Variants in RYR3 observed in about 807,000 individuals in gnomAD.
The protein encoded by RYR3 is brain ryanodine receptor-calcium release channel.
Under a neutral mutation model 584.3 loss-of-function variants are expected in RYR3, and 207 were observed. The ratio of observed to expected loss-of-function variants is 0.35; its 90% confidence interval spans 0.32 to 0.40. The LOEUF is 0.40. RYR3 is among the 10% of genes least tolerant of loss of function. The pLI is 1.00. For missense variants in RYR3, 5,616 were observed against 6,089.2 expected, an observed-to-expected ratio of 0.92 and a Z score of 2.59; for synonymous variants, 2,416 against 2,248.5, an observed-to-expected ratio of 1.07 and a Z score of -2.11.
At chr15:33,765,320 A>G (rs1438992614) in intron 60 of RYR3, among the ~76,000 whole-genome samples, 2 of 152,054 alleles carry the variant, frequency 1.3e-5, no homozygotes, top group Admixed American at 1.3e-4. Flanking sequence ...TAAGTAGCAA[A>G]AAGCTAAGAC....
At chr15:33,350,355 A>T (rs1003080432) in intron 1 of RYR3, among the ~76,000 whole-genome samples, 14 of 152,104 alleles carry the variant, frequency 9.2e-5, no homozygotes, top group Non-Finnish European at 8.8e-5. Flanking sequence ...GATCAATGAG[A>T]CAGAAAGTCA....
Position 33,540,809 on chromosome 15 carries a change from G to A in RYR3, c.565G>A (p.Gly189Ser), listed in dbSNP as rs762795498. 3 of 1,609,316 alleles carry A rather than the reference G, an allele frequency of 1.9e-6. No individual in the cohort carries two copies. Among genetic ancestry groups the A allele is most frequent in the African/African-American group, 2.7e-5 (2 of 74,894 alleles). ...ERYLHLSVSN[G>S]NIQVDASFMQ... ...GCTGCAGCATCTCTCAGTATCAAAT[G>A]GTAACATACAAGTGGATGCCTCCTT... Residue 189 changes from glycine to serine, a missense_variant, in exon 7 of 104, where the codon GGT (glycine) becomes AGT (serine). By Grantham distance (56) the Gly-to-Ser change is moderately conservative. Transcript: ENST00000634891.
At chr15:33,747,281 A>C (rs928366560) in intron 53 of RYR3, among the ~76,000 whole-genome samples, 7 of 152,136 alleles carry the variant, frequency 4.6e-5, no homozygotes, top group African/African-American at 1.7e-4. Flanking sequence ...AGTAAGCTTT[A>C]GGCCTAGGCC....
intron 1 of RYR3, among the ~76,000 whole-genome samples, chr15:33,464,229 G>T (rs1312863779): frequency 6.6e-6 from 1 of 151,770 alleles, no homozygotes; most frequent in Non-Finnish European, 1.5e-5. Flanking sequence ...ATTTTATATG[G>T]TGTGATCAAG....
At chr15:33,580,892 T>C (rs532078677) in intron 13 of RYR3, among the ~76,000 whole-genome samples, 107 of 152,340 alleles carry the variant, frequency 7.0e-4, no homozygotes, top group African/African-American at 2.6e-3. Flanking sequence ...ACTTAAAGGC[T>C]ACTGAAATTC....
rs74005939 is a variant in RYR3, at chr15:33,663,413, G to C, written c.5419-124G>C. On this transcript the variant is annotated intron_variant, in intron 35 of 103. Transcript: ENST00000634891. ...CTTAATGGTGAAGATTTGAGTAACA[G>C]CTTTATGGCTACTGTGTGGCAATTT... 600 of 776,162 alleles carry C rather than the reference G, an allele frequency of 7.7e-4. 4 individuals carry two copies. The African/African-American group carries it at 9.4e-3, about 12-fold the overall frequency. The allele number at this position is 776,162 out of a possible 1,614,324, so 48.1% of individuals were successfully genotyped here. A position where few individuals can be genotyped will look rare whatever the true frequency, so the allele number is the denominator to read the frequency against.
At position 33,837,612 on chromosome 15, in the gene RYR3, T is replaced by C; in HGVS notation, c.11651-19T>C. ...GGTTTATTTGTATATTTGTATGTCT[T>C]TTTGAACCTGCCTCACAGGGAATGT... On this transcript the variant is annotated intron_variant, in intron 88 of 103. Transcript: ENST00000634891. 1 of 1,548,200 alleles carries C rather than the reference T, an allele frequency of 6.5e-7. No individual in the cohort carries two copies. The highest frequency in any genetic ancestry group is 8.7e-7 in the Non-Finnish European group (1 of 1,148,954).
At chr15:33,717,941 C>T (rs2067623953) in intron 43 of RYR3, among the ~76,000 whole-genome samples, 1 of 152,200 alleles carries the variant, frequency 6.6e-6, no homozygotes, top group East Asian at 1.9e-4. Flanking sequence ...TATCTCCAGT[C>T]CATCCCTTCC....
chr15:33,392,005 G>A (rs891282348), intron 1 of RYR3, among the ~76,000 whole-genome samples: 13 of 152,158 alleles, frequency 8.5e-5, no homozygotes, highest in Non-Finnish European at 1.2e-4. Context: ...CTGCAAATGT[G>A]GCTAGATATT....
At chr15:33,450,462 C>T (rs1466428231) in intron 1 of RYR3, among the ~76,000 whole-genome samples, 9 of 152,150 alleles carry the variant, frequency 5.9e-5, no homozygotes, top group Non-Finnish European at 1.2e-4. Flanking sequence ...TCAAGCTTCT[C>T]TAAGTCAAAG....
intron 1 of RYR3, among the ~76,000 whole-genome samples, chr15:33,359,891 G>A (rs1974523573): frequency 6.6e-6 from 1 of 152,034 alleles, no homozygotes; most frequent in African/African-American, 2.4e-5. Context: ...AAAGTGCTGG[G>A]ATTATAGGCG....
chr15:33,331,469 G>A (rs1005418519), intron 1 of RYR3, among the ~76,000 whole-genome samples: 8 of 152,096 alleles, frequency 5.3e-5, no homozygotes, highest in Non-Finnish European at 1.0e-4. Flanking sequence ...CGAATTAATT[G>A]TTTTACTAGA....
At chr15:33,858,321 C>G (rs1304427691) in intron 99 of RYR3, 1 of 177,146 alleles carries the variant, frequency 5.6e-6, no homozygotes, top group South Asian at 1.3e-4. Context: ...TCTTCTGCCT[C>G]AGCCTCCCTA....
intron 3 of RYR3, among the ~76,000 whole-genome samples, chr15:33,511,405 A>C (rs1203868128): frequency 2.0e-5 from 3 of 151,672 alleles, no homozygotes; most frequent in Non-Finnish European, 4.4e-5. Context: ...TTTCAGCAAA[A>C]CCTGCACACG....
chr15:33,438,217 T>C (rs570575044), intron 1 of RYR3, among the ~76,000 whole-genome samples: 2 of 152,070 alleles, frequency 1.3e-5, no homozygotes, highest in Non-Finnish European at 2.9e-5. Flanking sequence ...TATTATTAAT[T>C]ATAGTCACCA....
chr15:33,379,666 C>CTCTCTCTCTCTCTCT (rs2041019669), intron 1 of RYR3, among the ~76,000 whole-genome samples: 2 of 129,362 alleles, frequency 1.5e-5, no homozygotes, highest in African/African-American at 3.4e-5. Context: ...TGTGTGTGTC[C>CTCTCTCTCTCTCTCT]CTCTCTCTCT....
intron 67 of RYR3, among the ~76,000 whole-genome samples, chr15:33,793,924 C>CTCTATA (rs372089329): frequency 1.6e-3 from 222 of 141,770 alleles, no homozygotes; most frequent in East Asian, 3.2e-3. Flanking sequence ...CACACACACT[C>CTCTATA]TATATATATA....
At chr15:33,813,950 C>T (rs1402813848) in intron 74 of RYR3, among the ~76,000 whole-genome samples, 2 of 152,106 alleles carry the variant, frequency 1.3e-5, no homozygotes, top group Admixed American at 1.3e-4. Flanking sequence ...TCAACAGTTC[C>T]AATAGTATTT....
rs370917644 is a variant in RYR3 at position 33,649,247 on chromosome 15, C to T, written c.4142+12C>T. The T allele has an allele frequency of 6.2e-7, 1 of 1,607,348 alleles. No homozygotes were observed. Among genetic ancestry groups the T allele is most frequent in the Non-Finnish European group, 8.5e-7 (1 of 1,177,194 alleles). On this transcript the variant is annotated intron_variant, in intron 31 of 103. Transcript: ENST00000634891. ...CGGGTCCATGAAAGGTAAGGGGGCTCCCAAGTGGCAGGGTTAGCCATCGGG... is the reference window on the plus strand; with the variant it reads ...CGGGTCCATGAAAGGTAAGGGGGCTTCCAAGTGGCAGGGTTAGCCATCGGG...
Sources: allele counts gnomAD v4.1 joint callset (sites outside exome capture counted in the v4.1 genomes callset), GRCh38; gene constraint gnomAD v4.1.1; transcripts MANE v1.5; gene names NCBI Gene and HGNC (gene_info 2026-07-23, HGNC 2026-07-21).